The following CD38 variants were observed in gnomAD, a reference collection of about 807,000 sequenced individuals.
The protein encoded by CD38 is CD38 molecule, also known as ADP-ribosyl cyclase/cyclic ADP-ribose hydrolase 1.
In CD38, 31 loss-of-function variants were observed where a neutral mutation model predicts 36.3. The ratio of observed to expected loss-of-function variants is 0.85; its 90% confidence interval spans 0.64 to 1.15. The LOEUF (loss-of-function observed/expected upper bound fraction) is 1.15, where lower values mean the gene tolerates loss of function less well. Among genes scored for constraint, CD38 ranks in the 50% most tolerant of loss-of-function variants. The pLI is 0.00. For missense variants in CD38, 380 were observed against 371.9 expected (o/e 1.02, Z -0.18); for synonymous variants, 131 against 135.2 (o/e 0.97, Z 0.22).
chr4:15,819,238 C>T lies in CD38; in HGVS notation c.363+2598C>T, dbSNP rs562669270. On this transcript the variant is annotated intron_variant, in intron 2 of 7. Coordinates refer to ENST00000226279, the MANE Select transcript of CD38 (RefSeq NM_001775.4). Reference sequence around the variant, plus strand: ...TAGGAGAAATACCTAACGTAGGTGACGGGTTGATGGGTGCAGCAAACCACC... The same window carrying T: ...TAGGAGAAATACCTAACGTAGGTGATGGGTTGATGGGTGCAGCAAACCACC... Among the ~76,000 whole-genome samples the T allele has an allele frequency of 1.5e-4, 23 of 152,092 alleles. No individual in the cohort carries two copies. The South Asian group carries it at 1.9e-3, about 12-fold the overall frequency.
At chr4:15,836,751 A>G (rs548285296) in intron 4 of CD38, among the ~76,000 whole-genome samples, 5 of 152,184 alleles carry the variant, frequency 3.3e-5, no homozygotes, top group African/African-American at 4.8e-5. Context: ...GTTGGTACCT[A>G]GCTAAATCTC....
At chr4:15,789,435 C>T (rs1459871584) in intron 1 of CD38, among the ~76,000 whole-genome samples, 1 of 152,094 alleles carries the variant, frequency 6.6e-6, no homozygotes, top group Admixed American at 6.5e-5. Flanking sequence ...TCTTGAGGCA[C>T]CGAGTACATT....
rs71179666 is a variant in CD38 at position 15,847,595 on chromosome 4, C to CAAAAAAAAAAA, written c.840-926_840-916dup. Among the ~76,000 whole-genome samples, 30 of 38,170 alleles carry CAAAAAAAAAAA rather than the reference C, an allele frequency of 7.9e-4. 3 individuals are homozygous for CAAAAAAAAAAA. Among genetic ancestry groups the CAAAAAAAAAAA allele is most frequent in the South Asian group, 1.9e-3 (1 of 530 alleles). The allele number at this position is 38,170 out of a possible 152,430, so 25.0% of individuals were successfully genotyped here. ...AAAAATAAAAAACAACTCTCAGAAG[C>CAAAAAAAAAAA]AAAAAAAAAAAAAAAAAAAAAAAAA... On this transcript the variant is annotated intron_variant, in intron 7 of 7. Transcript: ENST00000226279.
At position 15,840,045 on chromosome 4, in the gene CD38, G is replaced by A. The variant is rs1455486798; in HGVS notation, c.679G>A (p.Val227Ile). The change falls in exon 6 of 8, where the codon GTC (valine) becomes ATC (isoleucine). Residue 227 changes from valine to isoleucine, a missense_variant. Val to Ile is a conservative substitution (Grantham distance 29). Transcript: ENST00000226279. ...DKNSTFGSVEVHNLQPEKVQT... is the reference protein window; with the variant it reads ...DKNSTFGSVEIHNLQPEKVQT... Reference sequence around the variant, plus strand: ...TTTTAGCACTTTTGGGAGTGTGGAAGTCCATAATTTGCAACCAGAGAAGGT... The same window carrying A: ...TTTTAGCACTTTTGGGAGTGTGGAAATCCATAATTTGCAACCAGAGAAGGT... The A allele has an allele frequency of 6.2e-7, 1 of 1,613,276 alleles. No homozygotes were observed. The highest frequency in any genetic ancestry group is 1.7e-5 in the Admixed American group (1 of 60,024).
At chr4:15,783,634 T>C (rs1722744842) in intron 1 of CD38, among the ~76,000 whole-genome samples, 1 of 152,240 alleles carries the variant, frequency 6.6e-6, no homozygotes, top group Non-Finnish European at 1.5e-5. Context: ...ATCATGCTGG[T>C]TGAACATAAG....
chr4:15,823,083 AG>A (rs1723774743), intron 2 of CD38, among the ~76,000 whole-genome samples: 1 of 152,252 alleles, frequency 6.6e-6, no homozygotes, highest in Non-Finnish European at 1.5e-5. Flanking sequence ...CAATGGGGAA[AG>A]GAATCCACAT....
Position 15,834,621 on chromosome 4 carries a change from G to A in CD38, c.585+319G>A, listed in dbSNP as rs115849693. Among the ~76,000 whole-genome samples the A allele has an allele frequency of 8.8e-4, 134 of 152,238 alleles. 1 individual carries two copies. The highest frequency in any genetic ancestry group is 3.3e-3 in the East Asian group (17 of 5,184). On this transcript the variant is annotated intron_variant, in intron 4 of 7. Transcript: ENST00000226279. ...TCAATCTTAGATACCTGGGACAGTC[G>A]TAACAATCTACATGTATAGACCCCT...
chr4:15,789,587 G>T lies in CD38; in HGVS notation c.233+10940G>T, dbSNP rs535481526. On this transcript the variant is annotated intron_variant, in intron 1 of 7. Coordinates refer to ENST00000226279, the MANE Select transcript of CD38 (RefSeq NM_001775.4). Reference sequence around the variant, plus strand: ...AACTCATGTTTGAAATGTAATCCCAGAAGTGGCAGGATGAGAGATTGGCCC... The same window carrying T: ...AACTCATGTTTGAAATGTAATCCCATAAGTGGCAGGATGAGAGATTGGCCC... 3.9e-5 allele frequency among the ~76,000 whole-genome samples: 6 copies of T among 152,186 alleles called. No homozygotes were observed. The East Asian group carries it at 1.2e-3, about 29-fold the overall frequency.
chr4:15,827,429 C>T (rs1482182117), intron 3 of CD38, among the ~76,000 whole-genome samples: 1 of 151,938 alleles, frequency 6.6e-6, no homozygotes, highest in Non-Finnish European at 1.5e-5. Flanking sequence ...TCTGTATTTT[C>T]ACCTACTATT....
At chr4:15,828,646 A>G (rs1440555520) in intron 3 of CD38, among the ~76,000 whole-genome samples, 1 of 152,194 alleles carries the variant, frequency 6.6e-6, no homozygotes, top group African/African-American at 2.4e-5. Context: ...GTCACAAATG[A>G]CAGAATTTCT....
intron 1 of CD38, among the ~76,000 whole-genome samples, chr4:15,802,498 T>TTTATTTTATA (rs1723249505): frequency 1.9e-5 from 1 of 53,880 alleles, no homozygotes; most frequent in African/African-American, 3.7e-4. Flanking sequence ...TTTGTTTTAT[T>TTTATTTTATA]TTATTTTATT....
intron 2 of CD38, among the ~76,000 whole-genome samples, chr4:15,823,978 AG>A (rs1723793926): frequency 6.6e-6 from 1 of 152,240 alleles, no homozygotes; most frequent in Non-Finnish European, 1.5e-5. Context: ...AGCCATAAAA[AG>A]GAACAAGATC....
intron 1 of CD38, among the ~76,000 whole-genome samples, chr4:15,811,677 A>G (rs1400933568): frequency 1.3e-5 from 2 of 151,474 alleles, no homozygotes; most frequent in Non-Finnish European, 2.9e-5. Flanking sequence ...ACAGATAGGG[A>G]AGCCAATATT....
intron 1 of CD38, among the ~76,000 whole-genome samples, chr4:15,787,822 T>A (rs1722874526): frequency 6.6e-6 from 1 of 152,196 alleles, no homozygotes; most frequent in South Asian, 2.1e-4. Context: ...TTTTATTCAG[T>A]ACAGACATAA....
At chr4:15,817,003 A>G (rs1351999627) in intron 2 of CD38, among the ~76,000 whole-genome samples, 1 of 152,242 alleles carries the variant, frequency 6.6e-6, no homozygotes, top group Non-Finnish European at 1.5e-5. Flanking sequence ...AGTAGTAGTA[A>G]TAACAGCAAT....
At chr4:15,779,794 C>A (rs1290133912) in intron 1 of CD38, among the ~76,000 whole-genome samples, 1 of 150,614 alleles carries the variant, frequency 6.6e-6, no homozygotes, top group Non-Finnish European at 1.5e-5. Context: ...TAGAAAGCAA[C>A]CTCATTAAAA....
In CD38 at chr4:15,778,797, G is replaced by C; in HGVS notation, c.233+150G>C. On this transcript the variant is annotated intron_variant, in intron 1 of 7. Coordinates refer to ENST00000226279, the MANE Select transcript of CD38 (RefSeq NM_001775.4). The surrounding 1 kb of genome is among the most constrained non-coding windows in gnomAD (Gnocchi z 4.9). Reference sequence around the variant, plus strand: ...GGTGGTGCTGAGTAGGGAGTCCCGGGCTCGGGGCTCCGCGGGCCGCTTTCA... The same window carrying C: ...GGTGGTGCTGAGTAGGGAGTCCCGGCCTCGGGGCTCCGCGGGCCGCTTTCA... The C allele has an allele frequency of 1.7e-6, 1 of 599,220 alleles. No homozygotes were observed. The highest frequency in any genetic ancestry group is 2.9e-6 in the Non-Finnish European group (1 of 345,198). The allele number at this position is 599,220 out of a possible 1,614,324, so 37.1% of individuals were successfully genotyped here.
intron 1 of CD38, among the ~76,000 whole-genome samples, chr4:15,800,438 T>C (rs1165933937): frequency 6.6e-6 from 1 of 152,224 alleles, no homozygotes; most frequent in African/African-American, 2.4e-5. Flanking sequence ...GTGAATATTC[T>C]AGTTGTTCTA....
chr4:15,812,480 G>A (rs867609521), intron 1 of CD38, among the ~76,000 whole-genome samples: 1 of 152,038 alleles, frequency 6.6e-6, no homozygotes, highest in Non-Finnish European at 1.5e-5. Flanking sequence ...GGTGGATCAC[G>A]AGCTCAGAAG....
Sources: allele counts gnomAD v4.1 joint callset (sites outside exome capture counted in the v4.1 genomes callset), GRCh38; gene constraint gnomAD v4.1.1; non-coding constraint Gnocchi (gnomAD v3.1); transcripts MANE v1.5; gene names NCBI Gene and HGNC (gene_info 2026-07-23, HGNC 2026-07-21).